Variants in LRRC63 observed in about 807,000 individuals in gnomAD.
LRRC63 encodes the protein leucine rich repeat containing 63, also known as leucine-rich repeat-containing protein 63.
Under a neutral mutation model 49.5 loss-of-function variants are expected in LRRC63, and 40 were observed. The observed-to-expected ratio is 0.81, with a 90% CI of 0.63 to 1.05. The LOEUF is 1.05. Among genes scored for constraint, LRRC63 ranks in the 50% least tolerant of loss-of-function variants. The pLI is 0.00. For synonymous variants in LRRC63, 191 were observed against 221.1 expected (o/e 0.86, Z 1.21); for missense variants, 636 against 663.1 (o/e 0.96, Z 0.45).
intron 7 of LRRC63, among the ~76,000 whole-genome samples, chr13:46,260,331 C>G (rs757878743): frequency 4.2e-4 from 64 of 152,284 alleles, no homozygotes; most frequent in East Asian, 1.5e-3. Flanking sequence ...GATAAGAAGT[C>G]AGAGATGAAC....
chr13:46,258,098 A>G (rs1231342071), intron 7 of LRRC63, among the ~76,000 whole-genome samples: 6 of 151,322 alleles, frequency 4.0e-5, no homozygotes, highest in African/African-American at 1.5e-4. Context: ...TATATGCTAC[A>G]AACTCTAGCA....
intron 5 of LRRC63, among the ~76,000 whole-genome samples, chr13:46,244,186 A>G (rs1196820149): frequency 6.6e-6 from 1 of 152,204 alleles, no homozygotes; most frequent in Admixed American, 6.5e-5. Context: ...AGCTAATATA[A>G]AAGTAAAATA....
intron 5 of LRRC63, among the ~76,000 whole-genome samples, chr13:46,235,529 A>G (rs980101835): frequency 5.9e-5 from 9 of 152,100 alleles, no homozygotes; most frequent in Non-Finnish European, 1.2e-4. Flanking sequence ...ACAAACCCCA[A>G]AGAGAGGGGA....
chr13:46,236,585 CA>C (rs2046911060), intron 5 of LRRC63, among the ~76,000 whole-genome samples: 2 of 152,178 alleles, frequency 1.3e-5, no homozygotes, highest in Admixed American at 6.5e-5. Flanking sequence ...ATCTATCCTT[CA>C]AAAACAAAGG....
chr13:46,228,271 T>C (rs968212012), intron 3 of LRRC63, 82 bp downstream of exon 3: 20 of 1,094,790 alleles, frequency 1.8e-5, no homozygotes, highest in Non-Finnish European at 2.3e-5. Context: ...ATGGTACCCC[T>C]CCCGCTTTGG....
exon 7 of LRRC63, chr13:46,250,466 A>G: frequency 6.5e-7 from 1 of 1,536,180 alleles, no homozygotes; most frequent in Non-Finnish European, 8.8e-7. Flanking sequence ...CATTGCTTTT[A>G]ATTTAATTAC....
intron 9 of LRRC63, among the ~76,000 whole-genome samples, chr13:46,272,361 C>T (rs560489919): frequency 7.9e-5 from 12 of 152,126 alleles, no homozygotes; most frequent in East Asian, 3.9e-4. Context: ...TCATGAATGA[C>T]GATATACAGA....
intron 2 of LRRC63, among the ~76,000 whole-genome samples, chr13:46,218,599 A>C (rs1230440): frequency 0.48 from 73,423 of 151,964 alleles, 19,337 homozygotes; most frequent in African/African-American, 0.67. Context: ...TAGCCTATTT[A>C]CATTTAAGGT....
chr13:46,274,823 T>C (rs2047810350), intron 9 of LRRC63, among the ~76,000 whole-genome samples: 1 of 152,226 alleles, frequency 6.6e-6, no homozygotes, highest in South Asian at 2.1e-4. Context: ...AGTATATCCA[T>C]CACCTTATTT....
chr13:46,266,687 A>T, intron 8 of LRRC63, 46 bp from the exon 9 acceptor site: 1 of 1,437,930 alleles, frequency 7.0e-7, no homozygotes, highest in Non-Finnish European at 9.2e-7. Flanking sequence ...CTTTAATATT[A>T]TGAATTGTAT....
chr13:46,258,186 A>G (rs994102205), intron 7 of LRRC63, among the ~76,000 whole-genome samples: 6 of 142,662 alleles, frequency 4.2e-5, no homozygotes, highest in Admixed American at 1.5e-4. Flanking sequence ...CTGGAGTGCA[A>G]TGGCACGATC....
intron 2 of LRRC63, among the ~76,000 whole-genome samples, chr13:46,224,763 G>A (rs1252925937): frequency 6.6e-6 from 1 of 152,192 alleles, no homozygotes; most frequent in Admixed American, 6.5e-5. Flanking sequence ...GTGTTGGTTG[G>A]GTAGGGCACT....
intron 7 of LRRC63, among the ~76,000 whole-genome samples, chr13:46,257,505 G>A (rs73482617): frequency 0.039 from 5,911 of 152,240 alleles, 370 homozygotes; most frequent in African/African-American, 0.13. Context: ...CCCCCAGGAG[G>A]AGACAGTCAA....
At chr13:46,268,269 C>T (rs750811009) in intron 9 of LRRC63, among the ~76,000 whole-genome samples, 4 of 151,922 alleles carry the variant, frequency 2.6e-5, no homozygotes, top group Non-Finnish European at 5.9e-5. Flanking sequence ...GAAGAGAGAT[C>T]TGAAAAAATT....
chr13:46,229,772 G>A (rs1429423690), intron 4 of LRRC63, among the ~76,000 whole-genome samples: 1 of 152,148 alleles, frequency 6.6e-6, no homozygotes, highest in African/African-American at 2.4e-5. Flanking sequence ...TTCTTGCATT[G>A]CTATAAAGAA....
exon 3 of LRRC63, chr13:46,228,164 A>G (rs1174282281): frequency 6.5e-7 from 1 of 1,549,044 alleles, no homozygotes; most frequent in Non-Finnish European, 8.7e-7. Flanking sequence ...TTTTACCAAG[A>G]AAACCTCACA....
exon 5 of LRRC63, chr13:46,234,257 G>A: frequency 1.9e-6 from 3 of 1,550,264 alleles, no homozygotes; most frequent in South Asian, 1.2e-5. Context: ...TTTTAAGACT[G>A]TTGCAGCAAC....
intron 2 of LRRC63, among the ~76,000 whole-genome samples, chr13:46,217,389 T>C (rs926447896): frequency 5.3e-5 from 8 of 152,354 alleles, no homozygotes; most frequent in African/African-American, 1.9e-4. Context: ...TTTTCTAGTT[T>C]ATTTGCATAG....
rs1453721948 is a variant in LRRC63, at chr13:46,257,663, G to A, written c.1227-4246G>A. Among the ~76,000 whole-genome samples the A allele has an allele frequency of 3.9e-5, 6 of 152,200 alleles. No homozygotes were observed. In the East Asian group the frequency reaches 5.8e-4, roughly 15 times the overall value. ...AAAGGGACACTGGAACAAAGTGGGG[G>A]TTTGTGATGTAAATTTAGCAGTTCA... On this transcript the variant is annotated intron_variant, in intron 7 of 9. Coordinates refer to ENST00000595396, the Ensembl canonical transcript of LRRC63.
Sources: gnomAD v4.1 joint callset for allele counts (sites outside exome capture counted in the v4.1 genomes callset) on GRCh38, gnomAD v4.1.1 for gene constraint, MANE v1.5 for transcripts, NCBI Gene and HGNC (gene_info 2026-07-23, HGNC 2026-07-21) for gene names.